MYLK: variants seen among roughly 807,000 people sequenced by gnomAD.
MYLK encodes the protein myosin light chain kinase, also known as myosin light chain kinase, smooth muscle.
In MYLK, 106 loss-of-function variants were observed where a neutral mutation model predicts 203.4. The ratio of observed to expected loss-of-function variants is 0.52; its 90% confidence interval spans 0.45 to 0.61. The LOEUF is 0.61. MYLK is among the 20% of genes least tolerant of loss of function. MYLK has a pLI of 0.00. For synonymous variants in MYLK, 867 were observed against 959.5 expected (o/e 0.90, Z 1.78); for missense variants, 2,072 against 2,442.3 (o/e 0.85, Z 3.20).
intron 4 of MYLK, among the ~76,000 whole-genome samples, chr3:123,753,417 A>C (rs1432224392): frequency 1.3e-5 from 2 of 151,268 alleles, no homozygotes; most frequent in African/African-American, 4.9e-5. Context: ...TTAGCAGCTG[A>C]CATTTGCTGA....
At chr3:123,716,223 C>A (rs1308380114) in intron 13 of MYLK, 1 of 152,202 alleles carries the variant, frequency 6.6e-6, no homozygotes, top group Non-Finnish European at 1.5e-5. Context: ...AGAAGAGTTA[C>A]ATTCTCCCTG....
At chr3:123,626,350 G>T (rs542665939) in intron 31 of MYLK, among the ~76,000 whole-genome samples, 1 of 152,308 alleles carries the variant, frequency 6.6e-6, no homozygotes, top group East Asian at 1.9e-4. Flanking sequence ...ATTTGCTAAG[G>T]ACACATGGCT....
At chr3:123,740,913 T>A (rs889840560) in intron 5 of MYLK, among the ~76,000 whole-genome samples, 29 of 152,190 alleles carry the variant, frequency 1.9e-4, no homozygotes, top group African/African-American at 6.7e-4. Context: ...GCTCCTTTCA[T>A]CCAGCTCCTG....
Position 123,709,804 on chromosome 3 carries a change from G to A in MYLK, c.1894C>T (p.Leu632Phe), listed in dbSNP as rs780721129. ...APIFLQGLSD[L>F]KVMDGSQVTM... ...ACCTGGCTTCCATCCATGACTTTGA[G>A]ATCAGAGAGGCCCTGCAGGAAGATG... The change falls in exon 14 of 34, where the codon CTC becomes TTC. Residue 632 changes from leucine to phenylalanine, a missense_variant. By Grantham distance (22) the Leu-to-Phe change is conservative. Transcript: ENST00000360304. The A allele has an allele frequency of 3.1e-6, 5 of 1,614,218 alleles. No individual in the cohort carries two copies. In the Admixed American group the frequency reaches 8.3e-5, roughly 27 times the overall value.
In MYLK at chr3:123,734,095, G is replaced by T. The variant is rs545515041; in HGVS notation, c.901C>A (p.Gln301Lys). 3 of 1,610,304 alleles carry T rather than the reference G, an allele frequency of 1.9e-6. No homozygotes were observed. In the African/African-American group the frequency reaches 4.0e-5, roughly 22 times the overall value. The change falls in exon 10 of 34, where the codon CAG (glutamine) becomes AAG (lysine). Residue 301 changes from glutamine (Q) to lysine (K), a missense_variant. Coordinates refer to ENST00000360304, the MANE Select transcript of MYLK (RefSeq NM_053025.4). ...GCCCAGGGTGGGGAGCCACCTCTCT[G>T]GGGGCTGGAGCAGTTCTTGCTTTTG... ...AAKSKNCSSP[Q>K]RGGSPPWAAN...
At chr3:123,688,958 C>T (rs1309927178) in intron 19 of MYLK, among the ~76,000 whole-genome samples, 2 of 152,218 alleles carry the variant, frequency 1.3e-5, no homozygotes, top group East Asian at 3.8e-4. Flanking sequence ...GCCTCTTTCC[C>T]ACTAGAAAAG....
At chr3:123,667,591 GAGAC>G (rs1426116759) in intron 20 of MYLK, among the ~76,000 whole-genome samples, 2 of 150,258 alleles carry the variant, frequency 1.3e-5, no homozygotes, top group Non-Finnish European at 3.0e-5. Flanking sequence ...GTGACAGAGT[GAGAC>G]TCTGTCTCAA....
intron 2 of MYLK, among the ~76,000 whole-genome samples, chr3:123,868,374 T>C (rs998237973): frequency 3.9e-5 from 6 of 152,336 alleles, no homozygotes; most frequent in East Asian, 1.9e-4. Context: ...TTACTTATAA[T>C]AGTGGAATTA....
intron 27 of MYLK, 55 bp downstream of exon 27, chr3:123,647,169 A>G: frequency 6.5e-7 from 1 of 1,539,770 alleles, no homozygotes; most frequent in South Asian, 1.1e-5. Context: ...GCAGTAGGGG[A>G]GACACGTTTG....
intron 4 of MYLK, among the ~76,000 whole-genome samples, chr3:123,767,560 T>C (rs2063745910): frequency 6.6e-6 from 1 of 152,210 alleles, no homozygotes. Flanking sequence ...TGAGCCAAGA[T>C]TGCGCCACTG....
At chr3:123,871,387 C>A (rs2032772650) in intron 2 of MYLK, among the ~76,000 whole-genome samples, 1 of 152,122 alleles carries the variant, frequency 6.6e-6, no homozygotes, top group Non-Finnish European at 1.5e-5. Flanking sequence ...CAACAAACAC[C>A]TGGTTCTTTG....
In MYLK at chr3:123,793,670, T is replaced by A; in HGVS notation, c.165+7A>T. Reference sequence around the variant, plus strand: ...CCACAGCCTCCCCATCCAGCCACACTTCTTACCCGCCCTTCGAACTTGGCG... The same window carrying A: ...CCACAGCCTCCCCATCCAGCCACACATCTTACCCGCCCTTCGAACTTGGCG... On this transcript the variant is annotated splice_region_variant and intron_variant, in intron 4 of 33. Coordinates refer to ENST00000360304, the MANE Select transcript of MYLK (RefSeq NM_053025.4). 6.2e-7 allele frequency: 1 copy of A among 1,614,022 alleles called. No individual in the cohort carries two copies. The highest frequency in any genetic ancestry group is 8.5e-7 in the Non-Finnish European group (1 of 1,179,938).
At chr3:123,620,371 T>C (rs751197356) in intron 31 of MYLK, 35 bp from the exon 32 acceptor site, 9 of 1,613,590 alleles carry the variant, frequency 5.6e-6, no homozygotes, top group Non-Finnish European at 7.6e-6. Context: ...ACTCAGGCGT[T>C]GTCCCTGGTT....
intron 18 of MYLK, among the ~76,000 whole-genome samples, chr3:123,693,099 CT>C (rs1375579600): frequency 6.6e-6 from 1 of 152,200 alleles, no homozygotes; most frequent in African/African-American, 2.4e-5. Context: ...AAAGAGTCCT[CT>C]TGTGGGGACA....
Position 123,720,214 on chromosome 3 carries a change from G to T in MYLK, c.1804+1914C>A, listed in dbSNP as rs575731530. Among the ~76,000 whole-genome samples, 11 of 152,228 alleles carry T rather than the reference G, an allele frequency of 7.2e-5. No individual in the cohort carries two copies. In the East Asian group the frequency reaches 1.5e-3, roughly 21 times the overall value. ...TCTCTGTGCTTTTTGTTTTCCTTTG[G>T]ATGGGTGGTGATCCTTCAGGTCCCA... On this transcript the variant is annotated intron_variant, in intron 13 of 33. Transcript: ENST00000360304.
intron 4 of MYLK, among the ~76,000 whole-genome samples, chr3:123,779,790 A>G (rs1340338977): frequency 6.6e-6 from 1 of 152,192 alleles, no homozygotes; most frequent in African/African-American, 2.4e-5. Flanking sequence ...GGCAGGGGAC[A>G]GGGATTAATT....
chr3:123,837,948 T>TATGC (rs1303911964), intron 2 of MYLK, among the ~76,000 whole-genome samples: 1 of 152,272 alleles, frequency 6.6e-6, no homozygotes, highest in African/African-American at 2.4e-5. Flanking sequence ...AATGGTCTAA[T>TATGC]ATGCATATAA....
Position 123,737,375 on chromosome 3 carries a change from T to C in MYLK, c.754+3A>G, listed in dbSNP as rs767382958. On this transcript the variant is annotated splice_donor_region_variant and intron_variant, in intron 8 of 33. Transcript: ENST00000360304. ...TCTGCACTAGCCGTCCACTGGTCGA[T>C]ACCTTGGATGGAAAGTTCAGCTGAC... 26 of 1,614,008 alleles carry C rather than the reference T, an allele frequency of 1.6e-5. No homozygotes were observed. The highest frequency in any genetic ancestry group is 2.0e-5 in the Non-Finnish European group (24 of 1,180,020).
chr3:123,682,482 G>A (rs904349476), intron 19 of MYLK, among the ~76,000 whole-genome samples, 172 bp from the exon 20 acceptor site: 2 of 152,236 alleles, frequency 1.3e-5, no homozygotes, highest in African/African-American at 2.4e-5. Flanking sequence ...CTCTCCATGA[G>A]AGCATCAAAG....
Sources: gnomAD v4.1 joint callset for allele counts (sites outside exome capture counted in the v4.1 genomes callset) on GRCh38, gnomAD v4.1.1 for gene constraint, MANE v1.5 for transcripts, NCBI Gene and HGNC (gene_info 2026-07-23, HGNC 2026-07-21) for gene names.